The following CACNA2D3 variants were observed in gnomAD, a reference collection of about 807,000 sequenced individuals.
The protein encoded by CACNA2D3 is voltage-dependent calcium channel subunit alpha-2/delta-3.
In CACNA2D3, 60 loss-of-function variants were observed where a neutral mutation model predicts 160.6. That is an observed-to-expected ratio of 0.37 (90% CI 0.30 to 0.46). The LOEUF (loss-of-function observed/expected upper bound fraction) is 0.46, where lower values mean the gene tolerates loss of function less well. Ranked by LOEUF, CACNA2D3 falls within the 20% of genes least tolerant of loss-of-function variation. CACNA2D3 has a pLI of 1.00. For synonymous variants in CACNA2D3, 558 were observed against 492.9 expected (o/e 1.13, Z -1.75); for missense variants, 1,205 against 1,365.0 (o/e 0.88, Z 1.85).
intron 2 of CACNA2D3, among the ~76,000 whole-genome samples, chr3:54,200,208 G>A (rs1445640185): frequency 1.3e-5 from 2 of 152,220 alleles, no homozygotes; most frequent in Non-Finnish European, 2.9e-5. Flanking sequence ...TGAGATCCAG[G>A]CAAGGGAGGA....
At chr3:55,007,460 A>G (rs1703122359) in intron 32 of CACNA2D3, among the ~76,000 whole-genome samples, 1 of 152,226 alleles carries the variant, frequency 6.6e-6, no homozygotes, top group African/African-American at 2.4e-5. Flanking sequence ...CCCCCTCAGC[A>G]TTAAGCTTCA....
chr3:54,913,385 C>A (rs1208504171), intron 27 of CACNA2D3, among the ~76,000 whole-genome samples: 1 of 152,148 alleles, frequency 6.6e-6, no homozygotes, highest in Admixed American at 6.5e-5. Context: ...TCGTAACTTT[C>A]TCCTCTTCTG....
At chr3:54,320,908 C>T (rs901002582) in intron 3 of CACNA2D3, among the ~76,000 whole-genome samples, 15 of 152,188 alleles carry the variant, frequency 9.9e-5, no homozygotes, top group African/African-American at 3.6e-4. Flanking sequence ...CTAGTCTGAG[C>T]ATTTTCTTGT....
intron 4 of CACNA2D3, among the ~76,000 whole-genome samples, chr3:54,492,415 T>C (rs1305183846): frequency 6.6e-6 from 1 of 152,208 alleles, no homozygotes; most frequent in Non-Finnish European, 1.5e-5. Flanking sequence ...TGTGCAACGA[T>C]AGGACCATGG....
At position 54,752,602 on chromosome 3, in the gene CACNA2D3, C is replaced by T. The variant is rs1203714130; in HGVS notation, c.1171C>T (p.Arg391Cys). ...AKYNWPDRKV[R>C]IFTYLIGREA... is the part of the protein sequence containing the mutation. ...CATGCGTTTGTCTTCCCTTCAGGTTCGCATCTTCACATACCTCATTGGACG... is the reference window on the plus strand; with the variant it reads ...CATGCGTTTGTCTTCCCTTCAGGTTTGCATCTTCACATACCTCATTGGACG... Residue 391 changes from arginine to cysteine, a missense_variant, in exon 12 of 38, where the codon CGC becomes TGC. This residue lies in a region of CACNA2D3 where 911 missense variants were observed against 1,002.2 expected (regional missense o/e 0.91). Transcript: ENST00000474759. 6.2e-7 allele frequency: 1 copy of T among 1,612,516 alleles called. No homozygotes were observed. Among genetic ancestry groups the T allele is most frequent in the Non-Finnish European group, 8.5e-7 (1 of 1,179,210 alleles).
At chr3:54,655,434 C>T (rs556233701) in intron 11 of CACNA2D3, among the ~76,000 whole-genome samples, 1 of 152,296 alleles carries the variant, frequency 6.6e-6, no homozygotes, top group South Asian at 2.1e-4. Flanking sequence ...TTCAACCACT[C>T]GCATTGTTAA....
At chr3:54,660,163 A>AT (rs1408603921) in intron 11 of CACNA2D3, among the ~76,000 whole-genome samples, 23 of 113,598 alleles carry the variant, frequency 2.0e-4, no homozygotes, top group African/African-American at 2.7e-4. Context: ...TTTTCTTTTT[A>AT]TTTTTTTTTA....
intron 12 of CACNA2D3, among the ~76,000 whole-genome samples, chr3:54,761,232 G>C (rs557872063): frequency 1.0e-3 from 152 of 152,136 alleles, no homozygotes; most frequent in Non-Finnish European, 1.6e-3. Context: ...ACAAGATCCT[G>C]TCTGGGCCCA....
chr3:55,043,613 A>G lies in CACNA2D3; in HGVS notation c.2987+25296A>G, dbSNP rs564100016. ...CTTGTCTTTTCATTGTCTTAATAGT[A>G]TCTTGCACAGAGCAGAAAGTATTTT... On this transcript the variant is annotated intron_variant, in intron 35 of 37. Transcript: ENST00000474759. Among the ~76,000 whole-genome samples the G allele has an allele frequency of 3.3e-5, 5 of 152,258 alleles. No homozygotes were observed. The East Asian group carries it at 9.6e-4, about 29-fold the overall frequency.
At chr3:54,206,299 A>G (rs1339800640) in intron 2 of CACNA2D3, among the ~76,000 whole-genome samples, 1 of 152,212 alleles carries the variant, frequency 6.6e-6, no homozygotes, top group African/African-American at 2.4e-5. Context: ...GACACTGAGA[A>G]ACGGTGGCTC....
Position 54,960,132 on chromosome 3 carries a change from A to C in CACNA2D3, c.2450-8318A>C, listed in dbSNP as rs185664188. Among the ~76,000 whole-genome samples, 20 of 151,978 alleles carry C rather than the reference A, an allele frequency of 1.3e-4. No homozygotes were observed. In the East Asian group the frequency reaches 3.9e-3, roughly 29 times the overall value. On this transcript the variant is annotated intron_variant, in intron 27 of 37. Transcript: ENST00000474759. Reference sequence around the variant, plus strand: ...AAAGAAATGTGTGGCCAAATGGATCAGGCCTTCCTACACTGGTTCCCAGAA... The same window carrying C: ...AAAGAAATGTGTGGCCAAATGGATCCGGCCTTCCTACACTGGTTCCCAGAA...
chr3:54,141,021 A>G lies in CACNA2D3; in HGVS notation c.204+17427A>G, dbSNP rs114054148. Among the ~76,000 whole-genome samples the G allele has an allele frequency of 3.3e-3, 496 of 150,300 alleles. 2 individuals carry two copies. The highest frequency in any genetic ancestry group is 5.4e-3 in the Non-Finnish European group (367 of 67,676). On this transcript the variant is annotated intron_variant, in intron 2 of 37. Transcript: ENST00000474759. ...TTGGCACCTCTCTGTGGTGTTGTCTAAATTTCCAAGAGAAACACTGTCTGA... is the reference window on the plus strand; with the variant it reads ...TTGGCACCTCTCTGTGGTGTTGTCTGAATTTCCAAGAGAAACACTGTCTGA...
At chr3:54,327,492 A>T (rs546574028) in intron 3 of CACNA2D3, among the ~76,000 whole-genome samples, 1 of 152,112 alleles carries the variant, frequency 6.6e-6, no homozygotes, top group East Asian at 1.9e-4. Context: ...ACCCTCCTCA[A>T]CTTCATGGTT....
At chr3:54,204,535 G>T (rs540170287) in intron 2 of CACNA2D3, among the ~76,000 whole-genome samples, 1 of 151,918 alleles carries the variant, frequency 6.6e-6, no homozygotes, top group African/African-American at 2.4e-5. Flanking sequence ...GGTGGCTCAC[G>T]CCTGTAATCC....
At chr3:54,166,706 A>G (rs1049926136) in intron 2 of CACNA2D3, among the ~76,000 whole-genome samples, 6 of 152,196 alleles carry the variant, frequency 3.9e-5, no homozygotes, top group Non-Finnish European at 7.3e-5. Flanking sequence ...TGAATTTTGA[A>G]AAGTTTGTTG....
intron 11 of CACNA2D3, among the ~76,000 whole-genome samples, chr3:54,686,905 T>C (rs1700457618): frequency 1.3e-5 from 2 of 152,096 alleles, no homozygotes; most frequent in South Asian, 4.1e-4. Flanking sequence ...AAGGGTGATA[T>C]AAAATATTGT....
chr3:55,012,468 T>C (rs1163371074), intron 34 of CACNA2D3, among the ~76,000 whole-genome samples: 1 of 152,180 alleles, frequency 6.6e-6, no homozygotes. Context: ...TCCCTCATCC[T>C]GGCCTTGACC....
chr3:54,815,357 T>C (rs1351401397), intron 13 of CACNA2D3, among the ~76,000 whole-genome samples: 2 of 152,164 alleles, frequency 1.3e-5, no homozygotes, highest in Non-Finnish European at 2.9e-5. Flanking sequence ...CCAAAACATC[T>C]TGTTTGTTCG....
At chr3:54,351,492 A>G (rs1698564992) in intron 3 of CACNA2D3, among the ~76,000 whole-genome samples, 1 of 152,142 alleles carries the variant, frequency 6.6e-6, no homozygotes, top group Admixed American at 6.5e-5. Context: ...TCTTGTTCTC[A>G]GCTTTGTCTC....
Sources: allele counts gnomAD v4.1 joint callset (sites outside exome capture counted in the v4.1 genomes callset), GRCh38; gene constraint gnomAD v4.1.1; regional missense constraint gnomAD v4.1.1; transcripts MANE v1.5; gene names NCBI Gene and HGNC (gene_info 2026-07-23, HGNC 2026-07-21).